Variants in ERC1 observed in about 807,000 individuals in gnomAD.
ERC1 encodes RAB6 interacting protein 2.
In ERC1, 56 loss-of-function variants were observed where a neutral mutation model predicts 132.0. That is an observed-to-expected ratio of 0.42 (90% CI 0.34 to 0.53). The LOEUF (loss-of-function observed/expected upper bound fraction) is 0.53, where lower values mean the gene tolerates loss of function less well. ERC1 is among the 20% of genes least tolerant of loss of function. The probability of loss-of-function intolerance (pLI) is 0.03; values close to 1 mark genes in which losing one functional copy is unlikely to be tolerated. For missense variants in ERC1, 1,202 were observed against 1,349.9 expected, an observed-to-expected ratio of 0.89 and a Z score of 1.72; for synonymous variants, 478 against 476.1, an observed-to-expected ratio of 1.00 and a Z score of -0.05.
chr12:1,442,863 C>G (rs928250574), intron 17 of ERC1, among the ~76,000 whole-genome samples: 2 of 152,110 alleles, frequency 1.3e-5, no homozygotes, highest in African/African-American at 4.8e-5. Flanking sequence ...TATTAAAAGA[C>G]TTGGCAGGAA....
At chr12:1,471,079 G>C (rs979382092) in intron 18 of ERC1, among the ~76,000 whole-genome samples, 2 of 151,968 alleles carry the variant, frequency 1.3e-5, no homozygotes, top group Non-Finnish European at 2.9e-5. Flanking sequence ...CCAAACTCCC[G>C]TGCTATTCAG....
intron 10 of ERC1, 45 bp from the exon 11 acceptor site, chr12:1,183,235 AT>A (rs79369483): frequency 2.8e-5 from 22 of 773,966 alleles, no homozygotes; most frequent in Middle Eastern, 3.6e-4. Flanking sequence ...TTAAACCTCT[AT>A]TTTTTTTAAA....
At chr12:1,235,742 T>A (rs2075370252) in intron 12 of ERC1, among the ~76,000 whole-genome samples, 1 of 152,176 alleles carries the variant, frequency 6.6e-6, no homozygotes, top group Non-Finnish European at 1.5e-5. Context: ...AGCAAGAGTA[T>A]AAATTAATAT....
chr12:1,012,856 T>C (rs1964923199), intron 1 of ERC1, among the ~76,000 whole-genome samples: 1 of 152,222 alleles, frequency 6.6e-6, no homozygotes, highest in African/African-American at 2.4e-5. Context: ...GCATATATTA[T>C]ATATAAGCTA....
At chr12:1,176,568 T>C (rs1953746767) in intron 8 of ERC1, among the ~76,000 whole-genome samples, 1 of 151,574 alleles carries the variant, frequency 6.6e-6, no homozygotes, top group Non-Finnish European at 1.5e-5. Context: ...TTTTCTTTGT[T>C]TTTTTTTTCT....
intron 14 of ERC1, among the ~76,000 whole-genome samples, chr12:1,286,013 C>T (rs964159682): frequency 2.6e-5 from 4 of 152,080 alleles, no homozygotes; most frequent in African/African-American, 4.8e-5. Flanking sequence ...CCTGGCTAGG[C>T]GTGGTTAATT....
chr12:1,480,261 T>C (rs1461102518), intron 18 of ERC1, among the ~76,000 whole-genome samples: 1 of 152,178 alleles, frequency 6.6e-6, no homozygotes, highest in African/African-American at 2.4e-5. Context: ...TTTTGCAGTT[T>C]AGTGAAAATC....
At chr12:1,239,454 A>G (rs770866853) in intron 13 of ERC1, among the ~76,000 whole-genome samples, 15 of 152,356 alleles carry the variant, frequency 9.8e-5, no homozygotes, top group Middle Eastern at 3.4e-3. Context: ...ACAGCCGGCC[A>G]TCGTGGCTTA....
chr12:1,334,888 G>T (rs1351310404), intron 15 of ERC1, among the ~76,000 whole-genome samples: 1 of 152,098 alleles, frequency 6.6e-6, no homozygotes, highest in Admixed American at 6.6e-5. Context: ...ATTTGTTTGT[G>T]TCATTTCTGA....
At chr12:1,107,354 G>A (rs1945374651) in intron 4 of ERC1, among the ~76,000 whole-genome samples, 1 of 152,182 alleles carries the variant, frequency 6.6e-6, no homozygotes, top group African/African-American at 2.4e-5. Context: ...TGATGACAGA[G>A]TAGTTTGGAC....
chr12:1,494,107 G>A lies in ERC1; in HGVS notation c.*3877G>A. The stretch of plus-strand genomic sequence containing the variant: ...AGCCAAGCAGAGAAGACCGCTGCGT[G>A]GAGTGTGACACCACATGGCATTTCT... On this transcript the variant is annotated 3_prime_UTR_variant, in exon 19 of 19. Coordinates refer to ENST00000360905, the MANE Select transcript of ERC1 (RefSeq NM_178040.4). 4.3e-6 allele frequency: 1 copy of A among 232,110 alleles called. No homozygotes were observed. The highest frequency in any genetic ancestry group is 8.5e-6 in the Non-Finnish European group (1 of 117,404). The allele number at this position is 232,110 out of a possible 1,614,324, so 14.4% of individuals were successfully genotyped here.
At chr12:1,410,450 A>C (rs1409745617) in intron 17 of ERC1, 1 of 1,299,834 alleles carries the variant, frequency 7.7e-7, no homozygotes, top group Non-Finnish European at 1.0e-6. Flanking sequence ...TTTTGTTCAG[A>C]ACGGTGAGAA....
chr12:1,190,209 C>G (rs376246886), intron 12 of ERC1, 157 bp downstream of exon 12: 2 of 776,038 alleles, frequency 2.6e-6, no homozygotes, highest in Non-Finnish European at 4.7e-6. Flanking sequence ...GTCAGTTGTA[C>G]GTTCTTTGTT....
intron 15 of ERC1, among the ~76,000 whole-genome samples, chr12:1,311,630 C>T (rs1376671602): frequency 6.6e-6 from 1 of 152,018 alleles, no homozygotes; most frequent in African/African-American, 2.4e-5. Context: ...TAGTTTTTCT[C>T]GTGTATCAGG....
intron 2 of ERC1, among the ~76,000 whole-genome samples, chr12:1,061,121 A>G (rs1347589358): frequency 2.0e-5 from 3 of 152,142 alleles, no homozygotes; most frequent in Admixed American, 6.5e-5. Flanking sequence ...GGCAAGTTCT[A>G]TATATCCAGG....
At chr12:1,478,274 AT>A (rs2094012917) in intron 18 of ERC1, among the ~76,000 whole-genome samples, 1 of 151,948 alleles carries the variant, frequency 6.6e-6, no homozygotes, top group South Asian at 2.1e-4. Flanking sequence ...TCTCCTTGTG[AT>A]TTTAACTTGT....
chr12:1,032,410 C>T (rs150641351), intron 2 of ERC1, among the ~76,000 whole-genome samples: 1 of 152,132 alleles, frequency 6.6e-6, no homozygotes, highest in Admixed American at 6.6e-5. Flanking sequence ...TCTGTTGTGG[C>T]ACTTTTGAGC....
chr12:1,121,575 G>T (rs2154216450), intron 7 of ERC1, among the ~76,000 whole-genome samples: 1 of 152,284 alleles, frequency 6.6e-6, no homozygotes, highest in East Asian at 1.9e-4. Flanking sequence ...ACACGGTTTT[G>T]GGAGTACCTG....
chr12:1,285,741 A>G lies in ERC1; in HGVS notation c.2620-4111A>G, dbSNP rs1462644695. Among the ~76,000 whole-genome samples, 4 of 152,358 alleles carry G rather than the reference A, an allele frequency of 2.6e-5. No homozygotes were observed. In the East Asian group the frequency reaches 7.7e-4, roughly 29 times the overall value. ...AAGGAGCAAATAATTTCAATCTTAC[A>G]GACACAATTTGGAAATATAAAAGAG... On this transcript the variant is annotated intron_variant, in intron 14 of 18. Coordinates refer to ENST00000360905, the MANE Select transcript of ERC1 (RefSeq NM_178040.4).
Sources: allele counts gnomAD v4.1 joint callset (sites outside exome capture counted in the v4.1 genomes callset), GRCh38; gene constraint gnomAD v4.1.1; transcripts MANE v1.5; gene names NCBI Gene and HGNC (gene_info 2026-07-23, HGNC 2026-07-21).